DDX10: variants seen among roughly 807,000 people sequenced by gnomAD.
DDX10 encodes the protein probable ATP-dependent RNA helicase DDX10.
In DDX10, 74 loss-of-function variants were observed where a neutral mutation model predicts 104.3. That is an observed-to-expected ratio of 0.71 (90% CI 0.59 to 0.86). DDX10 has a LOEUF of 0.86. DDX10 is among the 40% of genes least tolerant of loss of function. The pLI is 0.00. For synonymous variants in DDX10, 351 were observed against 353.4 expected (o/e 0.99, Z 0.08); for missense variants, 952 against 1,040.0 (o/e 0.92, Z 1.16).
At chr11:108,748,234 G>A (rs1285696942) in intron 13 of DDX10, among the ~76,000 whole-genome samples, 1 of 152,206 alleles carries the variant, frequency 6.6e-6, no homozygotes, top group Non-Finnish European at 1.5e-5. Flanking sequence ...GGAACACAGA[G>A]ATACGAAGCT....
intron 1 of DDX10, among the ~76,000 whole-genome samples, chr11:108,670,849 C>T (rs938030692): frequency 2.6e-5 from 4 of 151,674 alleles, no homozygotes; most frequent in Non-Finnish European, 2.9e-5. Context: ...AGGCGGTTTG[C>T]TGTTCTTCTC....
At chr11:108,821,429 G>T (rs1027944421) in intron 13 of DDX10, among the ~76,000 whole-genome samples, 1 of 152,116 alleles carries the variant, frequency 6.6e-6, no homozygotes, top group African/African-American at 2.4e-5. Context: ...AGTGGAGGTT[G>T]TATTTCTGAA....
intron 13 of DDX10, among the ~76,000 whole-genome samples, chr11:108,728,520 T>C (rs113146008): frequency 2.9e-5 from 1 of 34,940 alleles, no homozygotes; most frequent in East Asian, 7.0e-4. Context: ...TTTTTTTTTT[T>C]TTTTTTTTTT....
intron 9 of DDX10, among the ~76,000 whole-genome samples, chr11:108,696,857 A>C (rs948987151): frequency 6.6e-6 from 1 of 152,180 alleles, no homozygotes; most frequent in Non-Finnish European, 1.5e-5. Context: ...TTTAGCAGTA[A>C]AATTCTCCCT....
chr11:108,696,057 T>C (rs899511108), intron 9 of DDX10, among the ~76,000 whole-genome samples: 5 of 152,180 alleles, frequency 3.3e-5, no homozygotes, highest in Admixed American at 3.3e-4. Flanking sequence ...GAACTTTCTT[T>C]CTTCTTGGAA....
chr11:108,841,324 C>G lies in DDX10; in HGVS notation c.2095C>G (p.Gln699Glu). Reference protein sequence around the residue: ...TFTDEGELVQQWPQMQKSAIK... With the variant: ...TFTDEGELVQEWPQMQKSAIK... ...TTTTTTTTACCTGTAGTTGGTTCAG[C>G]AGTGGCCACAAATGCAGAAATCTGC... is the stretch of plus-strand genomic sequence containing the variant. The change falls in exon 15 of 18, where the codon CAG becomes GAG. Residue 699 changes from glutamine (Q) to glutamate (E), a missense_variant. Physicochemically the swap from Gln to Glu is conservative, Grantham distance 29. Around this residue, in one of 3 missense-constraint regions of DDX10, gnomAD observed 533 missense variants for 534.1 expected, o/e 1.00. Coordinates refer to ENST00000322536, the MANE Select transcript of DDX10 (RefSeq NM_004398.4). 1 of 1,612,622 alleles carries G rather than the reference C, an allele frequency of 6.2e-7. No homozygotes were observed. Among genetic ancestry groups the G allele is most frequent in the Non-Finnish European group, 8.5e-7 (1 of 1,179,704 alleles).
chr11:108,685,890 TTC>T lies in DDX10; in HGVS notation c.849-3042_849-3041del, dbSNP rs550326056. ...ATAAAAGTTTAAGATTCCTTTGCAT[TTC>T]TCTTTTTCTCCTTAGACATCCCAGT... On this transcript the variant is annotated intron_variant, in intron 6 of 17. Coordinates refer to ENST00000322536, the MANE Select transcript of DDX10 (RefSeq NM_004398.4). Among the ~76,000 whole-genome samples the T allele has an allele frequency of 2.0e-3, 299 of 152,336 alleles. 1 individual carries two copies. The highest frequency in any genetic ancestry group is 3.3e-3 in the South Asian group (16 of 4,826).
chr11:108,693,417 T>C lies in DDX10; in HGVS notation c.1139-99T>C, dbSNP rs896609018. On this transcript the variant is annotated intron_variant, in intron 8 of 17. Coordinates refer to ENST00000322536, the MANE Select transcript of DDX10 (RefSeq NM_004398.4). ...TCATAGATGATATCCATCAGTTTGA[T>C]GTGATGAAAAGTCCTGGCAAGCAAT... 7.9e-5 allele frequency: 65 copies of C among 823,778 alleles called. No individual in the cohort carries two copies. In the African/African-American group the frequency reaches 1.1e-3, roughly 14 times the overall value. The allele number at this position is 823,778 out of a possible 1,614,324, so 51.0% of individuals were successfully genotyped here. A position where few individuals can be genotyped will look rare whatever the true frequency, so the allele number is the denominator to read the frequency against.
chr11:108,894,820 G>A (rs1413623802), intron 16 of DDX10, among the ~76,000 whole-genome samples: 2 of 151,886 alleles, frequency 1.3e-5, no homozygotes, highest in Non-Finnish European at 2.9e-5. Context: ...GGGCACTCGG[G>A]CATTTTATAA....
intron 3 of DDX10, 128 bp downstream of exon 3, chr11:108,675,854 T>C: frequency 8.2e-7 from 1 of 1,214,910 alleles, no homozygotes; most frequent in Admixed American, 2.1e-5. Flanking sequence ...AATGCGAGCT[T>C]CATCAAACAG....
intron 6 of DDX10, among the ~76,000 whole-genome samples, chr11:108,687,513 G>A (rs10890882): frequency 0.12 from 18,670 of 152,068 alleles, 1,561 homozygotes; most frequent in East Asian, 0.27. Context: ...GTTTCACCAT[G>A]TTGCCCAGGC....
intron 15 of DDX10, among the ~76,000 whole-genome samples, chr11:108,851,105 A>G (rs1322187402): frequency 3.3e-5 from 5 of 152,166 alleles, no homozygotes; most frequent in Non-Finnish European, 7.4e-5. Context: ...TCCTTGATAT[A>G]TAGCTATAGT....
intron 16 of DDX10, among the ~76,000 whole-genome samples, chr11:108,901,937 A>G (rs971988068): frequency 1.3e-5 from 2 of 152,258 alleles, no homozygotes; most frequent in Non-Finnish European, 2.9e-5. Context: ...TTTATGAAAT[A>G]ATGATCTTAA....
chr11:108,821,570 A>G (rs1479775401), intron 13 of DDX10, among the ~76,000 whole-genome samples: 4 of 152,186 alleles, frequency 2.6e-5, no homozygotes, highest in Non-Finnish European at 5.9e-5. Flanking sequence ...TTTAATGATT[A>G]AGTGCTAATG....
At chr11:108,843,755 G>GAA (rs35584339) in intron 15 of DDX10, among the ~76,000 whole-genome samples, 21,905 of 142,836 alleles carry the variant, frequency 0.15, 1,959 homozygotes, top group East Asian at 0.27. Flanking sequence ...AGACTCCATC[G>GAA]AAAAAAAAAA....
intron 16 of DDX10, among the ~76,000 whole-genome samples, chr11:108,867,739 A>G (rs1288113734): frequency 1.3e-5 from 2 of 152,198 alleles, no homozygotes; most frequent in African/African-American, 4.8e-5. Flanking sequence ...CCTTATCAGA[A>G]AGTGATGAAA....
At chr11:108,697,093 T>G (rs1205224335) in intron 9 of DDX10, among the ~76,000 whole-genome samples, 1 of 152,210 alleles carries the variant, frequency 6.6e-6, no homozygotes, top group Admixed American at 6.5e-5. Context: ...AAAAAATGTT[T>G]TAATGTAATT....
At position 108,665,100 on chromosome 11, in the gene DDX10, G is replaced by T; in HGVS notation, c.-54G>T. 1 of 1,547,538 alleles carries T rather than the reference G, an allele frequency of 6.5e-7. No individual in the cohort carries two copies. The highest frequency in any genetic ancestry group is 8.7e-7 in the Non-Finnish European group (1 of 1,152,234). ...GTCCCATGCTGGTTCCGTGAGTCTG[G>T]CCTTAGGTGTCTCGTGTCTGGGGTT... On this transcript the variant is annotated 5_prime_UTR_variant, in exon 1 of 18. Coordinates refer to ENST00000322536, the MANE Select transcript of DDX10 (RefSeq NM_004398.4).
At chr11:108,675,214 A>G (rs1298618604) in intron 2 of DDX10, among the ~76,000 whole-genome samples, 1 of 152,106 alleles carries the variant, frequency 6.6e-6, no homozygotes, top group East Asian at 1.9e-4. Context: ...TAATGCTGCA[A>G]TGAACATGTG....
Sources: gnomAD v4.1 joint callset for allele counts (sites outside exome capture counted in the v4.1 genomes callset) on GRCh38, gnomAD v4.1.1 for gene constraint, gnomAD v4.1.1 regional missense constraint, MANE v1.5 for transcripts, NCBI Gene and HGNC (gene_info 2026-07-23, HGNC 2026-07-21) for gene names.